The following PKIB variants were observed in gnomAD, a reference collection of about 807,000 sequenced individuals.
PKIB encodes the protein PKI-beta.
In PKIB, 2 loss-of-function variants were observed where a neutral mutation model predicts 4.5. The observed-to-expected ratio is 0.44, with a 90% CI of 0.18 to 1.39. PKIB has a LOEUF of 1.39. Among genes scored for constraint, PKIB ranks in the 40% most tolerant of loss-of-function variants. The pLI is 0.27. For missense variants in PKIB, 94 were observed against 92.6 expected (o/e 1.02, Z -0.06); for synonymous variants, 38 against 36.0 (o/e 1.06, Z -0.20).
At chr6:122,499,797 C>A (rs1318202309) in intron 2 of PKIB, among the ~76,000 whole-genome samples, 1 of 152,118 alleles carries the variant, frequency 6.6e-6, no homozygotes, top group Non-Finnish European at 1.5e-5. Flanking sequence ...TGATCTAATT[C>A]TATACCTAGA....
At chr6:122,509,041 G>A (rs964630203) in intron 2 of PKIB, among the ~76,000 whole-genome samples, 7 of 151,966 alleles carry the variant, frequency 4.6e-5, no homozygotes, top group South Asian at 2.1e-4. Context: ...GAGCCACCGC[G>A]CCCGGCCTAA....
At chr6:122,475,442 A>G (rs1458777284) in intron 1 of PKIB, among the ~76,000 whole-genome samples, 1 of 152,064 alleles carries the variant, frequency 6.6e-6, no homozygotes, top group South Asian at 2.1e-4. Flanking sequence ...TAGCTTGATC[A>G]CAGGAGTTAG....
At chr6:122,676,477 G>A (rs1453002257) in intron 3 of PKIB, among the ~76,000 whole-genome samples, 2 of 152,152 alleles carry the variant, frequency 1.3e-5, no homozygotes, top group Non-Finnish European at 2.9e-5. Flanking sequence ...ACTAAAGTCT[G>A]GAGCTGAGTG....
At chr6:122,524,595 C>G (rs1777043728) in intron 2 of PKIB, among the ~76,000 whole-genome samples, 1 of 152,074 alleles carries the variant, frequency 6.6e-6, no homozygotes, top group African/African-American at 2.4e-5. Flanking sequence ...TCCAGTGAAG[C>G]CATCTTTTCC....
At chr6:122,713,120 C>A (rs1356766668) in intron 3 of PKIB, among the ~76,000 whole-genome samples, 1 of 151,904 alleles carries the variant, frequency 6.6e-6, no homozygotes, top group Non-Finnish European at 1.5e-5. Context: ...GTGTAATAGT[C>A]TTTTCTCAAG....
intron 2 of PKIB, among the ~76,000 whole-genome samples, chr6:122,522,481 A>G (rs1212707089): frequency 6.6e-6 from 1 of 152,202 alleles, no homozygotes; most frequent in Non-Finnish European, 1.5e-5. Flanking sequence ...AAACTCCTGC[A>G]GCTAGCTCAG....
chr6:122,481,201 T>C (rs1462464364), intron 2 of PKIB: 1 of 152,188 alleles, frequency 6.6e-6, no homozygotes, highest in Non-Finnish European at 1.5e-5. Context: ...GCACTATCAC[T>C]CCTGAGGCAT....
chr6:122,577,645 C>G (rs1178665354), intron 2 of PKIB, among the ~76,000 whole-genome samples: 1 of 152,146 alleles, frequency 6.6e-6, no homozygotes, highest in African/African-American at 2.4e-5. Context: ...CGCTGTGGCT[C>G]ATGCCTGTAA....
chr6:122,539,318 T>C (rs1319568199), intron 2 of PKIB, among the ~76,000 whole-genome samples: 2 of 152,060 alleles, frequency 1.3e-5, no homozygotes, highest in African/African-American at 4.8e-5. Context: ...GGCTGTGGGT[T>C]TGTCATAGAT....
intron 2 of PKIB, among the ~76,000 whole-genome samples, chr6:122,519,496 G>A (rs1269397832): frequency 6.6e-6 from 1 of 152,052 alleles, no homozygotes; most frequent in Non-Finnish European, 1.5e-5. Flanking sequence ...CATGAAACTT[G>A]TCCCTGGTGT....
chr6:122,514,709 C>T (rs1251961626), intron 2 of PKIB, among the ~76,000 whole-genome samples: 2 of 151,940 alleles, frequency 1.3e-5, no homozygotes, highest in East Asian at 1.9e-4. Flanking sequence ...GTTTTTGTTT[C>T]TCAAGTCCTT....
chr6:122,545,049 A>T (rs748087299), intron 2 of PKIB, among the ~76,000 whole-genome samples: 2 of 152,080 alleles, frequency 1.3e-5, no homozygotes, highest in Non-Finnish European at 2.9e-5. Flanking sequence ...TGGGAATGTA[A>T]ATTTGTCCAG....
intron 2 of PKIB, among the ~76,000 whole-genome samples, chr6:122,649,089 C>G (rs1776442046): frequency 6.6e-6 from 1 of 152,194 alleles, no homozygotes. Flanking sequence ...TTTTGGTGAA[C>G]ATTTACATGG....
At chr6:122,651,777 T>C (rs1776565584) in intron 2 of PKIB, among the ~76,000 whole-genome samples, 2 of 152,194 alleles carry the variant, frequency 1.3e-5, no homozygotes, top group South Asian at 4.1e-4. Context: ...TCAGGTTATT[T>C]ATACAGAGCT....
intron 3 of PKIB, among the ~76,000 whole-genome samples, chr6:122,709,141 A>C (rs1582834253): frequency 6.6e-6 from 1 of 152,200 alleles, no homozygotes; most frequent in South Asian, 2.1e-4. Flanking sequence ...CCAGGGTAGT[A>C]AAATAGATAA....
chr6:122,615,811 C>T (rs1165922581), intron 1 of PKIB, among the ~76,000 whole-genome samples: 1 of 152,282 alleles, frequency 6.6e-6, no homozygotes, highest in East Asian at 1.9e-4. Context: ...GGTTTGCTGG[C>T]AACCACTAGA....
chr6:122,682,978 C>G (rs1777959183), intron 3 of PKIB, among the ~76,000 whole-genome samples: 1 of 152,140 alleles, frequency 6.6e-6, no homozygotes, highest in Admixed American at 6.5e-5. Flanking sequence ...TCACAAGGGT[C>G]CCCGGTTGAT....
chr6:122,551,181 A>T (rs1037440976), intron 2 of PKIB, among the ~76,000 whole-genome samples: 1 of 151,848 alleles, frequency 6.6e-6, no homozygotes, highest in African/African-American at 2.4e-5. Flanking sequence ...CAGTGCTGGG[A>T]AATTTTCTTT....
At chr6:122,691,174 A>G (rs538058986) in intron 3 of PKIB, among the ~76,000 whole-genome samples, 1 of 151,896 alleles carries the variant, frequency 6.6e-6, no homozygotes, top group African/African-American at 2.4e-5. Flanking sequence ...GTCTCCTTTC[A>G]GTTAAATATT....
Sources: allele counts gnomAD v4.1 joint callset (sites outside exome capture counted in the v4.1 genomes callset), GRCh38; gene constraint gnomAD v4.1.1; transcripts MANE v1.5; gene names NCBI Gene and HGNC (gene_info 2026-07-23, HGNC 2026-07-21).